CCNY: variants seen among roughly 807,000 people sequenced by gnomAD.
CCNY encodes the protein cyclin-Y.
A neutral mutation model predicts 42.8 loss-of-function variants in CCNY; 19 were observed. The observed-to-expected ratio is 0.44, with a 90% CI of 0.31 to 0.65. The LOEUF (loss-of-function observed/expected upper bound fraction) is 0.65. CCNY is among the 30% of genes least tolerant of loss of function. CCNY has a pLI of 0.07. For missense variants in CCNY, 370 were observed against 437.3 expected (o/e 0.85, Z 1.37); for synonymous variants, 165 against 162.7 (o/e 1.01, Z -0.11).
chr10:35,399,357 GGT>G (rs1260371410), intron 1 of CCNY, among the ~76,000 whole-genome samples: 1 of 118,050 alleles, frequency 8.5e-6, no homozygotes, highest in East Asian at 2.5e-4. Flanking sequence ...CTCGGGGACT[GGT>G]GTCTTGGGTG....
intron 3 of CCNY, among the ~76,000 whole-genome samples, chr10:35,270,935 C>T (rs1032632499): frequency 2.0e-5 from 3 of 151,952 alleles, no homozygotes; most frequent in Admixed American, 6.6e-5. Flanking sequence ...CCGTGTTAGC[C>T]GGGATGGTCT....
At chr10:35,255,809 G>A (rs920809376) in intron 3 of CCNY, among the ~76,000 whole-genome samples, 11 of 152,028 alleles carry the variant, frequency 7.2e-5, no homozygotes, top group South Asian at 6.2e-4. Flanking sequence ...TGCCCAGACC[G>A]GTCTCGAACT....
At chr10:35,449,881 T>C (rs1838878712) in intron 1 of CCNY, 28 of 815,352 alleles carry the variant, frequency 3.4e-5, no homozygotes, top group Non-Finnish European at 4.2e-5. Flanking sequence ...AATGATGCTA[T>C]CTCGCACCAC....
intron 3 of CCNY, among the ~76,000 whole-genome samples, chr10:35,513,313 C>T (rs1014822566): frequency 2.6e-5 from 4 of 152,100 alleles, no homozygotes; most frequent in Non-Finnish European, 5.9e-5. Flanking sequence ...CTAAGCAGTT[C>T]GTGGTTAACT....
At chr10:35,394,861 C>A in intron 1 of CCNY, 1 of 984,924 alleles carries the variant, frequency 1.0e-6, no homozygotes, top group Non-Finnish European at 1.2e-6. Flanking sequence ...CATCACGGGC[C>A]CTCTCCTTCT....
intron 9 of CCNY, among the ~76,000 whole-genome samples, chr10:35,567,200 AT>A (rs1418925795): frequency 6.6e-6 from 1 of 152,172 alleles, no homozygotes; most frequent in Middle Eastern, 3.4e-3. Flanking sequence ...TCTGCTTTTT[AT>A]TTTTTTTCCA....
intron 1 of CCNY, among the ~76,000 whole-genome samples, chr10:35,341,265 C>T (rs1408392093): frequency 3.9e-5 from 6 of 152,176 alleles, no homozygotes; most frequent in African/African-American, 1.2e-4. Context: ...TCTCCCTCTG[C>T]CTGAAGTGTC....
intron 1 of CCNY, among the ~76,000 whole-genome samples, chr10:35,378,491 C>T (rs937547080): frequency 1.3e-5 from 2 of 151,554 alleles, no homozygotes; most frequent in Non-Finnish European, 2.9e-5. Flanking sequence ...TGGGTGACTT[C>T]CTAGAAGAGG....
At chr10:35,373,107 T>G (rs1836974720) in intron 1 of CCNY, among the ~76,000 whole-genome samples, 1 of 152,206 alleles carries the variant, frequency 6.6e-6, no homozygotes. Flanking sequence ...GTAAGAAAAC[T>G]TAATGAAGTA....
chr10:35,556,480 A>G (rs147082553), intron 8 of CCNY, among the ~76,000 whole-genome samples: 73 of 152,308 alleles, frequency 4.8e-4, no homozygotes, highest in African/African-American at 1.4e-3. Context: ...TGATCCATCT[A>G]TAATATACTG....
chr10:35,560,895 C>G (rs1416698369), intron 8 of CCNY, among the ~76,000 whole-genome samples: 1 of 152,274 alleles, frequency 6.6e-6, no homozygotes, highest in Admixed American at 6.5e-5. Flanking sequence ...CATGACTCCT[C>G]GGTAGCCCTT....
At chr10:35,500,862 A>G (rs1049037257) in intron 2 of CCNY, among the ~76,000 whole-genome samples, 2 of 151,672 alleles carry the variant, frequency 1.3e-5, no homozygotes, top group African/African-American at 4.8e-5. Flanking sequence ...CCACCTTGTT[A>G]GAGCAGTATC....
chr10:35,517,108 C>G (rs1840446297), intron 4 of CCNY, among the ~76,000 whole-genome samples: 1 of 152,112 alleles, frequency 6.6e-6, no homozygotes, highest in African/African-American at 2.4e-5. Flanking sequence ...GTCTGGAGAT[C>G]TGAGTTCTGA....
rs537140095 is a variant in CCNY, at chr10:35,504,090, A to C, written c.264+2555A>C. Among the ~76,000 whole-genome samples, 3 of 152,228 alleles carry C rather than the reference A, an allele frequency of 2.0e-5. No homozygotes were observed. In the South Asian group the frequency reaches 6.2e-4, roughly 32 times the overall value. ...TTATTGTGAGGGATGTTGTTTCTTTAATTTCTCTTTCAAGTTTTGAAGAAC... is the reference window on the plus strand; with the variant it reads ...TTATTGTGAGGGATGTTGTTTCTTTCATTTCTCTTTCAAGTTTTGAAGAAC... On this transcript the variant is annotated intron_variant, in intron 3 of 9. Coordinates refer to ENST00000374704, the MANE Select transcript of CCNY (RefSeq NM_145012.6).
chr10:35,362,237 G>A (rs1836701911), intron 1 of CCNY, among the ~76,000 whole-genome samples: 1 of 152,232 alleles, frequency 6.6e-6, no homozygotes, highest in African/African-American at 2.4e-5. Flanking sequence ...TACATACTAT[G>A]TTGTACAGAA....
At chr10:35,253,872 CT>C (rs1489477499) in intron 3 of CCNY, among the ~76,000 whole-genome samples, 1 of 136,404 alleles carries the variant, frequency 7.3e-6, no homozygotes, top group African/African-American at 2.9e-5. Context: ...GTTTGAGCAA[CT>C]GTTTTTTTTT....
chr10:35,364,240 G>A (rs1454657837), intron 1 of CCNY, among the ~76,000 whole-genome samples: 4 of 152,034 alleles, frequency 2.6e-5, no homozygotes, highest in South Asian at 2.1e-4. Flanking sequence ...CCTTTCACCC[G>A]TAATTCACCA....
In CCNY at chr10:35,422,811, C is replaced by T. The variant is rs1838187001; in HGVS notation, c.155-60593C>T. On this transcript the variant is annotated intron_variant, in intron 1 of 9. Coordinates refer to ENST00000374704, the MANE Select transcript of CCNY (RefSeq NM_145012.6). ...TTACGTGTTAGGATGTCTGTTTATC[C>T]TTCATGATTTTTTTGTTTTATTGCT... 2.0e-5 allele frequency among the ~76,000 whole-genome samples: 3 copies of T among 152,030 alleles called. No individual in the cohort carries two copies. The South Asian group carries it at 6.2e-4, about 32-fold the overall frequency.
chr10:35,384,836 C>G (rs1445111254), intron 1 of CCNY, among the ~76,000 whole-genome samples: 1 of 152,176 alleles, frequency 6.6e-6, no homozygotes, highest in Non-Finnish European at 1.5e-5. Context: ...AGACAGCAGG[C>G]CTGCCGTCTG....
Sources: allele counts gnomAD v4.1 joint callset (sites outside exome capture counted in the v4.1 genomes callset), GRCh38; gene constraint gnomAD v4.1.1; transcripts MANE v1.5; gene names NCBI Gene and HGNC (gene_info 2026-07-23, HGNC 2026-07-21).